The following BBS9 variants were observed in gnomAD, a reference collection of about 807,000 sequenced individuals.
BBS9 encodes the protein Bardet-Biedl syndrome 9.
In BBS9, 89 loss-of-function variants were observed where a neutral mutation model predicts 117.7. The ratio of observed to expected loss-of-function variants is 0.76; its 90% CI spans 0.64 to 0.90. BBS9 has a LOEUF of 0.90. Among genes scored for constraint, BBS9 ranks in the 40% least tolerant of loss-of-function variants. The pLI is 0.00. For synonymous variants in BBS9, 379 were observed against 370.9 expected (o/e 1.02, Z -0.25); for missense variants, 982 against 1,042.2 (o/e 0.94, Z 0.80).
rs1373210380 is a variant in BBS9 at position 33,326,660 on chromosome 7, A to G, written c.1017-9781A>G. ...GAGTACTGCCTGGCTACCACTGTTGACTATTCAGGGCCCAAGGGCTCTTTA... is the reference window on the plus strand; with the variant it reads ...GAGTACTGCCTGGCTACCACTGTTGGCTATTCAGGGCCCAAGGGCTCTTTA... On this transcript the variant is annotated intron_variant, in intron 9 of 22. Transcript: ENST00000242067. Among the ~76,000 whole-genome samples the G allele has an allele frequency of 5.3e-5, 8 of 151,876 alleles. No individual in the cohort carries two copies. The East Asian group carries it at 1.6e-3, about 30-fold the overall frequency.
intron 19 of BBS9, among the ~76,000 whole-genome samples, chr7:33,409,239 A>G (rs564708144): frequency 9.8e-5 from 15 of 152,304 alleles, no homozygotes; most frequent in African/African-American, 3.1e-4. Flanking sequence ...CACAGCTGAT[A>G]TTGAGAAGTG....
At chr7:33,364,011 C>T (rs1341833442) in intron 16 of BBS9, among the ~76,000 whole-genome samples, 1 of 31,860 alleles carries the variant, frequency 3.1e-5, no homozygotes, top group East Asian at 8.8e-4. Context: ...TGCAGTGGCG[C>T]GATCTCGGCT....
chr7:33,625,924 A>G (rs1422091710), intron 21 of BBS9, among the ~76,000 whole-genome samples: 1 of 152,246 alleles, frequency 6.6e-6, no homozygotes, highest in Non-Finnish European at 1.5e-5. Context: ...AATTAAAAAG[A>G]GAAATTACTA....
At chr7:33,161,726 C>T (rs1463132850) in intron 4 of BBS9, among the ~76,000 whole-genome samples, 2 of 152,222 alleles carry the variant, frequency 1.3e-5, no homozygotes, top group Admixed American at 6.5e-5. Flanking sequence ...AACTAGTTTA[C>T]ACTCCCACCA....
chr7:33,620,770 T>C (rs1172991539), intron 21 of BBS9, among the ~76,000 whole-genome samples: 3 of 152,086 alleles, frequency 2.0e-5, no homozygotes, highest in Non-Finnish European at 4.4e-5. Flanking sequence ...CAAAAGACTC[T>C]AAATAGCCAA....
intron 1 of BBS9, among the ~76,000 whole-genome samples, chr7:33,143,172 T>C (rs1359727538): frequency 6.6e-6 from 1 of 152,136 alleles, no homozygotes; most frequent in African/African-American, 2.4e-5. Flanking sequence ...GGTATCACTG[T>C]GTTAGCCAGG....
intron 5 of BBS9, among the ~76,000 whole-genome samples, chr7:33,193,183 A>G (rs1402426795): frequency 6.6e-6 from 1 of 152,134 alleles, no homozygotes; most frequent in Admixed American, 6.5e-5. Flanking sequence ...ATAATGTGGT[A>G]TCTCCTATAT....
chr7:33,349,006 C>T lies in BBS9; in HGVS notation c.1330-62C>T, dbSNP rs9785054. On this transcript the variant is annotated intron_variant, in intron 12 of 22. Transcript: ENST00000242067. ...TTTGCTAGTTATGTTTAAGTAGTTACGATAGTCTATCAGTTTGAATAAAAT... is the reference window on the plus strand; with the variant it reads ...TTTGCTAGTTATGTTTAAGTAGTTATGATAGTCTATCAGTTTGAATAAAAT... The T allele has an allele frequency of 0.99, 1,181,346 of 1,188,498 alleles. 587,241 individuals are homozygous for T. Among genetic ancestry groups the T allele is most frequent in the Non-Finnish European group, 1 (798,577 of 799,368 alleles). The allele number at this position is 1,188,498 out of a possible 1,614,324, so 73.6% of individuals were successfully genotyped here.
chr7:33,582,825 C>T (rs1447222072), intron 21 of BBS9, among the ~76,000 whole-genome samples: 2 of 152,092 alleles, frequency 1.3e-5, no homozygotes, highest in Non-Finnish European at 2.9e-5. Context: ...CTCATACTTT[C>T]TTGTTAAATG....
chr7:33,206,818 C>T (rs1175113709), intron 5 of BBS9, among the ~76,000 whole-genome samples: 4 of 152,006 alleles, frequency 2.6e-5, no homozygotes, highest in African/African-American at 4.8e-5. Context: ...ATTACATTTC[C>T]ATCCTAACTA....
chr7:33,627,090 G>C (rs1865675440), intron 21 of BBS9, among the ~76,000 whole-genome samples: 1 of 152,238 alleles, frequency 6.6e-6, no homozygotes, highest in South Asian at 2.1e-4. Context: ...GGAGGGTTAG[G>C]AGGGAAGAAT....
intron 2 of BBS9, among the ~76,000 whole-genome samples, chr7:33,151,691 G>A (rs10233642): frequency 0.16 from 24,531 of 151,324 alleles, 2,128 homozygotes; most frequent in South Asian, 0.21. Context: ...CTGGGATTAC[G>A]GGCATGCGCC....
chr7:33,441,978 A>C (rs970077491), intron 19 of BBS9, among the ~76,000 whole-genome samples: 2 of 145,274 alleles, frequency 1.4e-5, no homozygotes, highest in Non-Finnish European at 3.0e-5. Context: ...TGCAGCCTCC[A>C]CCTCCTGGGT....
At chr7:33,374,523 G>A (rs1037081030) in intron 17 of BBS9, among the ~76,000 whole-genome samples, 1 of 152,032 alleles carries the variant, frequency 6.6e-6, no homozygotes, top group African/African-American at 2.4e-5. Flanking sequence ...TATAAATCTA[G>A]CTTGGAAAAA....
intron 9 of BBS9, among the ~76,000 whole-genome samples, chr7:33,311,500 C>G (rs906188521): frequency 2.8e-4 from 43 of 152,186 alleles, no homozygotes; most frequent in African/African-American, 9.9e-4. Context: ...ATCTCTCACT[C>G]TGTATATTCT....
intron 9 of BBS9, among the ~76,000 whole-genome samples, chr7:33,275,250 A>G (rs1404216665): frequency 6.6e-6 from 1 of 152,200 alleles, no homozygotes; most frequent in Non-Finnish European, 1.5e-5. Context: ...AAAACATATA[A>G]TTCTAATTGC....
At chr7:33,407,168 C>T (rs1365315582) in intron 19 of BBS9, among the ~76,000 whole-genome samples, 1 of 152,174 alleles carries the variant, frequency 6.6e-6, no homozygotes, top group Non-Finnish European at 1.5e-5. Flanking sequence ...TCCCTTCTCG[C>T]TTCATTTCGT....
intron 21 of BBS9, among the ~76,000 whole-genome samples, chr7:33,628,333 T>C (rs12535011): frequency 0.064 from 9,676 of 152,202 alleles, 1,007 homozygotes; most frequent in East Asian, 0.4. Flanking sequence ...CAGCAATATA[T>C]GAAAAGGATA....
chr7:33,493,373 G>T (rs756320922), intron 19 of BBS9, among the ~76,000 whole-genome samples: 1 of 152,100 alleles, frequency 6.6e-6, no homozygotes, highest in Non-Finnish European at 1.5e-5. Flanking sequence ...CACACTTGAT[G>T]TGGCACACTA....
Sources: allele counts gnomAD v4.1 joint callset (sites outside exome capture counted in the v4.1 genomes callset), GRCh38; gene constraint gnomAD v4.1.1; transcripts MANE v1.5; gene names NCBI Gene and HGNC (gene_info 2026-07-23, HGNC 2026-07-21).